DRC3: variants seen among roughly 807,000 people sequenced by gnomAD.
DRC3 encodes the protein dynein regulatory complex subunit 3.
DRC3 carries 45 observed loss-of-function variants against 57.6 expected under a neutral mutation model. The ratio of observed to expected loss-of-function variants is 0.78; its 90% CI spans 0.62 to 1.00. The LOEUF (loss-of-function observed/expected upper bound fraction) is 1.00, where lower values mean the gene tolerates loss of function less well. Among genes scored for constraint, DRC3 ranks in the 50% least tolerant of loss-of-function variants. The probability of loss-of-function intolerance (pLI) is 0.00; values close to 1 mark genes in which losing one functional copy is unlikely to be tolerated. For synonymous variants in DRC3, 257 were observed against 272.3 expected, an observed-to-expected ratio of 0.94 and a Z score of 0.55; for missense variants, 655 against 675.2, an observed-to-expected ratio of 0.97 and a Z score of 0.33.
chr17:17,976,225 A>G (rs1352196864), intron 2 of DRC3, among the ~76,000 whole-genome samples: 2 of 152,160 alleles, frequency 1.3e-5, no homozygotes. Context: ...GGGGGAAAAT[A>G]TCCCTCCTGG....
At chr17:18,007,573 C>G (rs559619169) in intron 12 of DRC3, 5 of 1,477,952 alleles carry the variant, frequency 3.4e-6, no homozygotes, top group Middle Eastern at 1.8e-4. Context: ...CAATGCCATC[C>G]GGTTTGCACC....
intron 4 of DRC3, 104 bp downstream of exon 4, chr17:17,984,048 G>T: frequency 2.8e-6 from 2 of 707,594 alleles, no homozygotes; most frequent in South Asian, 1.8e-5. Flanking sequence ...TCAGCTGCTG[G>T]CCCATCATTA....
At chr17:18,003,568 T>C (rs1433725105) in intron 9 of DRC3, among the ~76,000 whole-genome samples, 1 of 149,438 alleles carries the variant, frequency 6.7e-6, no homozygotes, top group Non-Finnish European at 1.5e-5. Context: ...CATGGGAGAT[T>C]TAACTTCTGC....
At chr17:17,982,922 C>G (rs1007169629) in intron 3 of DRC3, among the ~76,000 whole-genome samples, 3 of 152,094 alleles carry the variant, frequency 2.0e-5, no homozygotes, top group Non-Finnish European at 4.4e-5. Flanking sequence ...ATTACAAAAG[C>G]AAATATGGAA....
At chr17:18,006,136 C>A in intron 10 of DRC3, 47 bp from the exon 11 acceptor site, 1 of 1,417,272 alleles carries the variant, frequency 7.1e-7, no homozygotes, top group Non-Finnish European at 9.9e-7. Flanking sequence ...TTGCTCTGTG[C>A]TGGACATCTA....
At chr17:17,998,624 A>G (rs971252218) in intron 9 of DRC3, among the ~76,000 whole-genome samples, 1 of 152,098 alleles carries the variant, frequency 6.6e-6, no homozygotes, top group Middle Eastern at 3.2e-3. Flanking sequence ...AAGTCCCTCG[A>G]TGCGCAACTT....
intron 12 of DRC3, among the ~76,000 whole-genome samples, chr17:18,013,326 A>G (rs913378414): frequency 2.0e-5 from 3 of 152,214 alleles, no homozygotes; most frequent in African/African-American, 4.8e-5. Flanking sequence ...GGAAATCACT[A>G]TATTGAAAAC....
chr17:18,016,327 A>C, intron 13 of DRC3, 132 bp downstream of exon 13: 1 of 1,078,690 alleles, frequency 9.3e-7, no homozygotes, highest in South Asian at 1.5e-5. Flanking sequence ...AGGATTATAG[A>C]ATTCCACACT....
chr17:17,999,961 T>TA (rs1260391050), intron 9 of DRC3, among the ~76,000 whole-genome samples: 4 of 152,034 alleles, frequency 2.6e-5, no homozygotes, highest in Non-Finnish European at 5.9e-5. Flanking sequence ...TAGCATGCCC[T>TA]ATTCTGTACT....
intron 10 of DRC3, chr17:18,004,744 T>G: frequency 4.3e-6 from 2 of 464,580 alleles, no homozygotes; most frequent in Middle Eastern, 6.1e-4. Flanking sequence ...ATCCTGGAAG[T>G]CAGTGGGGAG....
chr17:17,993,978 C>T, intron 6 of DRC3: 1 of 319,582 alleles, frequency 3.1e-6, no homozygotes, highest in Non-Finnish European at 6.1e-6. Flanking sequence ...GTGGAGAACA[C>T]CCAGTCTGGG....
intron 12 of DRC3, among the ~76,000 whole-genome samples, chr17:18,013,683 A>G (rs1426750838): frequency 6.6e-6 from 1 of 152,232 alleles, no homozygotes; most frequent in Non-Finnish European, 1.5e-5. Flanking sequence ...TAAAGGATAT[A>G]CCAAATTACA....
At chr17:17,987,305 T>C (rs1597575198) in intron 4 of DRC3, among the ~76,000 whole-genome samples, 1 of 150,294 alleles carries the variant, frequency 6.7e-6, no homozygotes, top group East Asian at 2.0e-4. Context: ...TGAGGGAGCC[T>C]GAGACAGCTG....
chr17:18,006,057 A>G, intron 10 of DRC3, 126 bp from the exon 11 acceptor site: 1 of 702,710 alleles, frequency 1.4e-6, no homozygotes, highest in Non-Finnish European at 2.6e-6. Flanking sequence ...AGGAGGGTCA[A>G]GATGGGTGGT....
chr17:17,984,568 G>A (rs1009520012), intron 4 of DRC3, among the ~76,000 whole-genome samples: 1 of 152,172 alleles, frequency 6.6e-6, no homozygotes, highest in African/African-American at 2.4e-5. Flanking sequence ...CAGGGAGAAG[G>A]TGATGGGCCT....
At chr17:17,974,470 C>G (rs1033524852) in intron 2 of DRC3, among the ~76,000 whole-genome samples, 1 of 152,218 alleles carries the variant, frequency 6.6e-6, no homozygotes, top group African/African-American at 2.4e-5. Flanking sequence ...CTCCCGGTTT[C>G]AAGCGATTCT....
chr17:17,994,108 C>T (rs2043349203), intron 6 of DRC3, 191 bp from the exon 7 acceptor site: 1 of 672,100 alleles, frequency 1.5e-6, no homozygotes, highest in Non-Finnish European at 2.4e-6. Context: ...CTCACAAAAA[C>T]CTGGTGAGGG....
chr17:17,983,173 A>G (rs907952748), intron 3 of DRC3, among the ~76,000 whole-genome samples: 1 of 152,170 alleles, frequency 6.6e-6, no homozygotes, highest in Non-Finnish European at 1.5e-5. Context: ...CTTCCGTGAT[A>G]TCAGGAACCT....
chr17:17,992,217 G>A (rs2043265115), intron 5 of DRC3, among the ~76,000 whole-genome samples: 1 of 152,212 alleles, frequency 6.6e-6, no homozygotes, highest in Admixed American at 6.5e-5. Flanking sequence ...AGAGGTTGCA[G>A]TGAGCCAAGA....
Sources: allele counts gnomAD v4.1 joint callset (sites outside exome capture counted in the v4.1 genomes callset), GRCh38; gene constraint gnomAD v4.1.1; transcripts MANE v1.5; gene names NCBI Gene and HGNC (gene_info 2026-07-23, HGNC 2026-07-21).